Variants in COL4A6 observed in about 807,000 individuals in gnomAD.
The protein encoded by COL4A6 is collagen alpha-6(IV) chain.
COL4A6 carries 59 observed loss-of-function variants against 126.7 expected under a neutral mutation model. The observed-to-expected ratio is 0.47, with a 90% CI of 0.38 to 0.58. COL4A6 has a LOEUF of 0.58. Ranked by LOEUF, COL4A6 falls within the 20% of genes least tolerant of loss-of-function variation. The pLI is 0.00. For synonymous variants in COL4A6, 547 were observed against 496.6 expected, an observed-to-expected ratio of 1.10 and a Z score of -1.35; for missense variants, 1,285 against 1,337.3, an observed-to-expected ratio of 0.96 and a Z score of 0.61.
chrX:108,173,908 T>C (rs1227993705), intron 31 of COL4A6, among the ~76,000 whole-genome samples: 1 of 112,694 alleles, frequency 8.9e-6, no homozygotes, highest in East Asian at 2.8e-4. Context: ...TCGTTGCACC[T>C]TGTGGAGCTT....
chrX:108,258,438 C>T (rs1006026065), intron 3 of COL4A6, among the ~76,000 whole-genome samples: 1 of 111,688 alleles, frequency 9.0e-6, no homozygotes, highest in Non-Finnish European at 1.9e-5. Flanking sequence ...GGGATCAGGC[C>T]TATCTTACTA....
At chrX:108,160,743 G>T in intron 42 of COL4A6, 89 bp from the exon 43 acceptor site, 1 of 836,785 alleles carries the variant, frequency 1.2e-6, no homozygotes, top group Non-Finnish European at 1.7e-6. Context: ...TCCAAGGCAT[G>T]TTATACACAT....
At chrX:108,434,658 A>T (rs1280519679) in intron 2 of COL4A6, among the ~76,000 whole-genome samples, 3 of 109,899 alleles carry the variant, frequency 2.7e-5, no homozygotes, top group African/African-American at 9.9e-5. Flanking sequence ...TTTCACCTAT[A>T]AATAATGTAA....
intron 2 of COL4A6, among the ~76,000 whole-genome samples, chrX:108,335,508 G>C (rs1328257242): frequency 9.0e-6 from 1 of 111,284 alleles, no homozygotes; most frequent in Non-Finnish European, 1.9e-5. Flanking sequence ...TTTTATAAAA[G>C]ACACACAGGC....
chrX:108,322,012 C>T (rs2039043025), intron 2 of COL4A6, among the ~76,000 whole-genome samples: 1 of 111,555 alleles, frequency 9.0e-6, no homozygotes, highest in African/African-American at 3.3e-5. Context: ...CCAGGTTTGG[C>T]TCAAAATCTT....
Position 108,175,072 on chromosome X carries a change from C to T in COL4A6, c.2956+18G>A. 1 of 1,168,196 alleles carries T rather than the reference C, an allele frequency of 8.6e-7. No homozygotes were observed. Among genetic ancestry groups the T allele is most frequent in the Non-Finnish European group, 1.1e-6 (1 of 876,243 alleles). ...GCCTCTCTTGAGCATTTCTCCTATCCATCCCCTGCCCCAGCACCTCTTGGC... is the reference window on the plus strand; with the variant it reads ...GCCTCTCTTGAGCATTTCTCCTATCTATCCCCTGCCCCAGCACCTCTTGGC... On this transcript the variant is annotated intron_variant, in intron 30 of 44. Coordinates refer to ENST00000334504, the MANE Select transcript of COL4A6 (RefSeq NM_033641.4).
chrX:108,203,058 T>C, intron 12 of COL4A6, 77 bp from the exon 13 acceptor site: 1 of 857,456 alleles, frequency 1.2e-6, no homozygotes, highest in Non-Finnish European at 1.7e-6. Context: ...CCACATGTAC[T>C]TGGACTGAGG....
chrX:108,219,804 G>C (rs148578520), intron 4 of COL4A6, 62 bp from the exon 5 acceptor site: 1 of 970,877 alleles, frequency 1.0e-6, no homozygotes, highest in African/African-American at 1.9e-5. Flanking sequence ...GTTAGACTCA[G>C]TAGGTTTATG....
chrX:108,377,421 G>T (rs1309277835), intron 2 of COL4A6, among the ~76,000 whole-genome samples: 1 of 107,011 alleles, frequency 9.3e-6, no homozygotes, highest in African/African-American at 3.4e-5. Flanking sequence ...GAATTGTCAT[G>T]TATTATTTAT....
At chrX:108,368,584 T>G (rs1011575663) in intron 2 of COL4A6, among the ~76,000 whole-genome samples, 2 of 111,807 alleles carry the variant, frequency 1.8e-5, no homozygotes, top group Non-Finnish European at 3.8e-5. Context: ...AATAATAAGT[T>G]AACTTTATCT....
intron 43 of COL4A6, 94 bp downstream of exon 43, chrX:108,160,369 A>T: frequency 1.1e-6 from 1 of 882,344 alleles, no homozygotes; most frequent in Non-Finnish European, 1.6e-6. Context: ...ACTACACAAC[A>T]GTGGACCTAG....
chrX:108,271,361 C>T lies in COL4A6; in HGVS notation c.144+39387G>A, dbSNP rs750234239. ...CCCATTGGGCTGACTAAAGATGATC[C>T]TATGCTTCACAATTTACTTCAAAAT... On this transcript the variant is annotated intron_variant, in intron 3 of 44. Transcript: ENST00000334504. Among the ~76,000 whole-genome samples the T allele has an allele frequency of 8.0e-5, 9 of 112,277 alleles. No individual in the cohort carries two copies. The South Asian group carries it at 3.3e-3, about 42-fold the overall frequency.
intron 18 of COL4A6, among the ~76,000 whole-genome samples, chrX:108,191,843 C>T (rs774473739): frequency 4.0e-4 from 45 of 111,515 alleles, no homozygotes; most frequent in Non-Finnish European, 7.7e-4. Context: ...GCCAGCTGTA[C>T]CATTTCCAGG....
chrX:108,164,976 C>T lies in COL4A6; in HGVS notation c.3871G>A (p.Gly1291Arg), dbSNP rs201920507. The T allele has an allele frequency of 5.5e-4, 667 of 1,208,629 alleles. No homozygotes were observed. The highest frequency in any genetic ancestry group is 5.9e-4 in the Non-Finnish European group (530 of 894,624). ...GGAATTCCAGGGAAGCCAGGGTCTCCGGTGTCGCCTTGATTCGAGGATGGC... is the reference window on the plus strand; with the variant it reads ...GGAATTCCAGGGAAGCCAGGGTCTCTGGTGTCGCCTTGATTCGAGGATGGC... The part of the protein sequence containing the change: ...PGPSSNQGDT[G>R]DPGFPGIPGP... Residue 1291 changes from glycine (G) to arginine (R), a missense_variant, in exon 39 of 45, where the codon GGA (glycine) becomes AGA (arginine). Physicochemically the swap from Gly to Arg is moderately radical, Grantham distance 125 (BLOSUM62 -2). Coordinates refer to ENST00000334504, the MANE Select transcript of COL4A6 (RefSeq NM_033641.4).
At chrX:108,297,863 C>T (rs1276667657) in intron 3 of COL4A6, among the ~76,000 whole-genome samples, 1 of 109,499 alleles carries the variant, frequency 9.1e-6, no homozygotes, top group African/African-American at 3.3e-5. Context: ...CCTCCCCTCC[C>T]CTCTGCTTCT....
intron 2 of COL4A6, among the ~76,000 whole-genome samples, chrX:108,347,461 A>G (rs1162266392): frequency 8.9e-6 from 1 of 112,125 alleles, no homozygotes; most frequent in Non-Finnish European, 1.9e-5. Context: ...TTTGCTGATT[A>G]TCTGTCTTTC....
At chrX:108,435,523 TTAGA>T (rs1188237615) in intron 2 of COL4A6, among the ~76,000 whole-genome samples, 1 of 111,747 alleles carries the variant, frequency 8.9e-6, no homozygotes, top group Non-Finnish European at 1.9e-5. Context: ...GCACAGCCCC[TTAGA>T]TAGTTAGGCG....
At chrX:108,435,181 A>G (rs2064243541) in intron 2 of COL4A6, among the ~76,000 whole-genome samples, 1 of 111,537 alleles carries the variant, frequency 9.0e-6, no homozygotes, top group African/African-American at 3.3e-5. Context: ...CTCCCAACCC[A>G]AATAAGTATC....
chrX:108,367,583 A>C (rs2040230664), intron 2 of COL4A6, among the ~76,000 whole-genome samples: 1 of 112,117 alleles, frequency 8.9e-6, no homozygotes, highest in African/African-American at 3.2e-5. Context: ...CATTTTACAT[A>C]GTTTTACAAA....
Sources: allele counts gnomAD v4.1 joint callset (sites outside exome capture counted in the v4.1 genomes callset), GRCh38; gene constraint gnomAD v4.1.1; transcripts MANE v1.5; gene names NCBI Gene and HGNC (gene_info 2026-07-23, HGNC 2026-07-21).